CALN1: variants seen among roughly 807,000 people sequenced by gnomAD.
CALN1 encodes calneuron 1.
CALN1 carries 17 observed loss-of-function variants against 30.6 expected under a neutral mutation model. The observed-to-expected ratio is 0.56, with a 90% CI of 0.38 to 0.83. The LOEUF is 0.83. CALN1 is among the 40% of genes least tolerant of loss of function. CALN1 has a pLI of 0.00. For synonymous variants in CALN1, 156 were observed against 131.4 expected (o/e 1.19, Z -1.28); for missense variants, 291 against 354.9 (o/e 0.82, Z 1.45).
At chr7:71,800,808 TAA>T (rs375009313) in intron 6 of CALN1, among the ~76,000 whole-genome samples, 9 of 150,572 alleles carry the variant, frequency 6.0e-5, no homozygotes, top group African/African-American at 2.2e-4. Flanking sequence ...ACTCAGCAAT[TAA>T]AAAAAAAATT....
chr7:72,056,602 T>A (rs889480398), intron 4 of CALN1, among the ~76,000 whole-genome samples: 1 of 151,826 alleles, frequency 6.6e-6, no homozygotes, highest in Admixed American at 6.6e-5. Flanking sequence ...AAGCTTAAAA[T>A]CAATAAAGGA....
chr7:71,853,167 T>C (rs1790748966), intron 5 of CALN1, among the ~76,000 whole-genome samples: 1 of 151,926 alleles, frequency 6.6e-6, no homozygotes, highest in South Asian at 2.1e-4. Flanking sequence ...GCTTCTAATT[T>C]CTGGGCTCAA....
At chr7:72,084,652 T>C (rs960148467) in intron 4 of CALN1, among the ~76,000 whole-genome samples, 21 of 152,126 alleles carry the variant, frequency 1.4e-4, no homozygotes, top group African/African-American at 2.9e-4. Context: ...TTTTGTAACA[T>C]TGATGCAGGC....
At chr7:72,444,473 A>G (rs1436343189) in intron 1 of CALN1, among the ~76,000 whole-genome samples, 1 of 152,170 alleles carries the variant, frequency 6.6e-6, no homozygotes, top group South Asian at 2.1e-4. Flanking sequence ...AAAACCACCT[A>G]TGTTGAAGGT....
chr7:72,404,414 A>T (rs150488514), intron 1 of CALN1, among the ~76,000 whole-genome samples: 1 of 152,150 alleles, frequency 6.6e-6, no homozygotes, highest in Non-Finnish European at 1.5e-5. Context: ...AGGTAAAAAC[A>T]AACAATAATA....
At chr7:72,045,607 C>A (rs912505719) in intron 4 of CALN1, among the ~76,000 whole-genome samples, 1 of 152,150 alleles carries the variant, frequency 6.6e-6, no homozygotes, top group Non-Finnish European at 1.5e-5. Context: ...CAGCTGACTG[C>A]AGCTTCCAAT....
intron 3 of CALN1, among the ~76,000 whole-genome samples, chr7:72,253,763 CAA>C (rs1795723251): frequency 6.6e-6 from 1 of 152,100 alleles, no homozygotes; most frequent in African/African-American, 2.4e-5. Flanking sequence ...TTTTTATAGA[CAA>C]AGTCTCACTC....
At chr7:72,168,497 C>G (rs1378093919) in intron 3 of CALN1, among the ~76,000 whole-genome samples, 1 of 152,014 alleles carries the variant, frequency 6.6e-6, no homozygotes, top group East Asian at 1.9e-4. Context: ...TAAAATGCAC[C>G]AAGCAAAATT....
At chr7:72,312,996 G>A (rs777043968) in intron 2 of CALN1, among the ~76,000 whole-genome samples, 22 of 152,064 alleles carry the variant, frequency 1.4e-4, no homozygotes, top group Non-Finnish European at 2.4e-4. Context: ...CACCATACCC[G>A]GCTAATTTTT....
Position 71,933,900 on chromosome 7 carries a change from G to A in CALN1, c.501+89757C>T, listed in dbSNP as rs75046064. On this transcript the variant is annotated intron_variant, in intron 5 of 6. Transcript: ENST00000395275. Reference sequence around the variant, plus strand: ...AACACCAGGGCCAGGCAGGTGACGTGAGTGAGTGACATGGGATGACTGCAA... The same window carrying A: ...AACACCAGGGCCAGGCAGGTGACGTAAGTGAGTGACATGGGATGACTGCAA... Among the ~76,000 whole-genome samples, 1,480 of 152,194 alleles carry A rather than the reference G, an allele frequency of 9.7e-3. 29 individuals carry two copies. Among genetic ancestry groups the A allele is most frequent in the African/African-American group, 0.034 (1,392 of 41,516 alleles).
intron 4 of CALN1, among the ~76,000 whole-genome samples, chr7:72,055,880 T>A (rs73369876): frequency 0.075 from 11,462 of 151,930 alleles, 1,392 homozygotes; most frequent in African/African-American, 0.26. Context: ...AATTAGCCAG[T>A]CTTGGTGGCA....
At chr7:72,161,766 G>A (rs1182493699) in intron 3 of CALN1, among the ~76,000 whole-genome samples, 1 of 152,014 alleles carries the variant, frequency 6.6e-6, no homozygotes, top group Non-Finnish European at 1.5e-5. Context: ...GGGCCTGTAG[G>A]GGGCAGTGGC....
intron 4 of CALN1, among the ~76,000 whole-genome samples, chr7:72,058,958 G>A (rs969491339): frequency 6.6e-5 from 10 of 152,106 alleles, no homozygotes; most frequent in East Asian, 3.9e-4. Context: ...TTTCCGTTTC[G>A]TTGAAGATTC....
chr7:71,882,055 A>G (rs1416492206), intron 5 of CALN1, among the ~76,000 whole-genome samples: 2 of 152,202 alleles, frequency 1.3e-5, no homozygotes, highest in African/African-American at 4.8e-5. Flanking sequence ...TGACAGAGTC[A>G]GACCCTGTCT....
chr7:71,808,582 T>C (rs904641990), intron 6 of CALN1, among the ~76,000 whole-genome samples: 1 of 152,284 alleles, frequency 6.6e-6, no homozygotes, highest in South Asian at 2.1e-4. Flanking sequence ...ATTTTATTAA[T>C]GTATAAGGTT....
At chr7:72,023,272 T>A (rs972810571) in intron 5 of CALN1, among the ~76,000 whole-genome samples, 12 of 152,206 alleles carry the variant, frequency 7.9e-5, no homozygotes, top group Admixed American at 3.3e-4. Flanking sequence ...TGCAAGGATA[T>A]TGACGGGATC....
At chr7:72,067,568 G>A (rs1804108698) in intron 4 of CALN1, among the ~76,000 whole-genome samples, 1 of 152,038 alleles carries the variant, frequency 6.6e-6, no homozygotes, top group Non-Finnish European at 1.5e-5. Context: ...ATTTTTCTAT[G>A]ACTCTCTCAA....
In CALN1 at chr7:72,309,235, C is replaced by T. The variant is rs559256344; in HGVS notation, c.120-30425G>A. Among the ~76,000 whole-genome samples the T allele has an allele frequency of 2.6e-5, 4 of 152,304 alleles. No homozygotes were observed. The East Asian group carries it at 7.7e-4, about 29-fold the overall frequency. On this transcript the variant is annotated intron_variant, in intron 2 of 6. Transcript: ENST00000395275. Reference sequence around the variant, plus strand: ...CATCCTGAGCCAGATGGAGAAGACACAACTAAAGGCATTCATTTATCCTAG... The same window carrying T: ...CATCCTGAGCCAGATGGAGAAGACATAACTAAAGGCATTCATTTATCCTAG...
intron 5 of CALN1, among the ~76,000 whole-genome samples, chr7:71,843,060 G>C (rs1217763491): frequency 6.6e-6 from 1 of 152,172 alleles, no homozygotes; most frequent in East Asian, 1.9e-4. Context: ...AGGAAGAGAT[G>C]TGAGGATGGG....
Sources: allele counts gnomAD v4.1 joint callset (sites outside exome capture counted in the v4.1 genomes callset), GRCh38; gene constraint gnomAD v4.1.1; transcripts MANE v1.5; gene names NCBI Gene and HGNC (gene_info 2026-07-23, HGNC 2026-07-21).